Variants in SH3GL3 observed in about 807,000 individuals in gnomAD.
SH3GL3 encodes the protein endophilin-A3.
A neutral mutation model predicts 47.7 loss-of-function variants in SH3GL3; 33 were observed. The observed-to-expected ratio is 0.69, with a 90% CI of 0.52 to 0.92. The LOEUF (loss-of-function observed/expected upper bound fraction) is 0.92. Among genes scored for constraint, SH3GL3 ranks in the 40% least tolerant of loss-of-function variants. The probability of loss-of-function intolerance (pLI) is 0.00; values close to 1 mark genes in which losing one functional copy is unlikely to be tolerated. For missense variants in SH3GL3, 363 were observed against 417.8 expected, an observed-to-expected ratio of 0.87 and a Z score of 1.14; for synonymous variants, 155 against 148.8, an observed-to-expected ratio of 1.04 and a Z score of -0.30.
intron 1 of SH3GL3, among the ~76,000 whole-genome samples, chr15:83,507,013 C>CT (rs950250193): frequency 3.1e-4 from 45 of 147,202 alleles, no homozygotes; most frequent in African/African-American, 9.4e-4. Flanking sequence ...TTTGTGTACG[C>CT]TTTTTTTTTT....
intron 1 of SH3GL3, among the ~76,000 whole-genome samples, chr15:83,513,827 T>C (rs1224413744): frequency 6.6e-6 from 1 of 152,202 alleles, no homozygotes; most frequent in Non-Finnish European, 1.5e-5. Flanking sequence ...CGTAAATGGA[T>C]GATCATCATA....
chr15:83,504,273 A>G (rs1308343558), intron 1 of SH3GL3, among the ~76,000 whole-genome samples: 1 of 152,206 alleles, frequency 6.6e-6, no homozygotes, highest in African/African-American at 2.4e-5. Context: ...CCAGTTTCCC[A>G]GAAGTTCCCT....
rs139468182 is a variant in SH3GL3 at position 83,479,082 on chromosome 15, G to A, written c.45+31504G>A. ...CCCCTCCATGATATCACACATTTCC[G>A]TCGTACGGCATGTACTAAGGTCTGC... is the stretch of plus-strand genomic sequence containing the variant. On this transcript the variant is annotated intron_variant, in intron 1 of 8. Transcript: ENST00000427482. Among the ~76,000 whole-genome samples the A allele has an allele frequency of 4.2e-3, 645 of 152,194 alleles. 4 individuals carry two copies. The highest frequency in any genetic ancestry group is 6.8e-3 in the Middle Eastern group (2 of 294).
chr15:83,563,417 T>C (rs547236463), intron 2 of SH3GL3, among the ~76,000 whole-genome samples: 1 of 152,352 alleles, frequency 6.6e-6, no homozygotes, highest in South Asian at 2.1e-4. Context: ...ATAGCTGGTT[T>C]ATTAATATGC....
intron 5 of SH3GL3, among the ~76,000 whole-genome samples, chr15:83,575,251 T>C (rs2059644176): frequency 6.6e-6 from 1 of 152,188 alleles, no homozygotes; most frequent in African/African-American, 2.4e-5. Flanking sequence ...TTTTATTTCT[T>C]CTTGTGCTGT....
At chr15:83,589,937 A>C (rs1281294369) in intron 8 of SH3GL3, among the ~76,000 whole-genome samples, 2 of 152,152 alleles carry the variant, frequency 1.3e-5, no homozygotes, top group Admixed American at 1.3e-4. Context: ...CTGCTTCCCC[A>C]CACCCATGCC....
intron 1 of SH3GL3, among the ~76,000 whole-genome samples, chr15:83,523,743 C>G (rs967196937): frequency 1.3e-5 from 2 of 152,098 alleles, no homozygotes; most frequent in Non-Finnish European, 2.9e-5. Context: ...CCCCCTGCCT[C>G]CCTCCTTCTC....
chr15:83,628,854 C>CA, the SH3GL3 span, among the ~76,000 whole-genome samples: 1 of 151,580 alleles, frequency 6.6e-6, no homozygotes, highest in Non-Finnish European at 1.5e-5. Flanking sequence ...AAAAAACAAC[C>CA]AAAAAACTAA....
At chr15:83,450,962 GA>G (rs1567230629) in intron 1 of SH3GL3, among the ~76,000 whole-genome samples, 1 of 94,706 alleles carries the variant, frequency 1.1e-5, no homozygotes, top group East Asian at 3.3e-4. Context: ...CCCCTCCCCC[GA>G]CCCCACCACA....
At chr15:83,456,367 C>T (rs1303008614) in intron 1 of SH3GL3, among the ~76,000 whole-genome samples, 1 of 27,448 alleles carries the variant, frequency 3.6e-5, no homozygotes, top group East Asian at 2.3e-3. Flanking sequence ...GCTTTGTTTA[C>T]CTAATCAAGC....
chr15:83,549,311 A>G (rs1414069976), intron 1 of SH3GL3, among the ~76,000 whole-genome samples: 2 of 152,174 alleles, frequency 1.3e-5, no homozygotes, highest in East Asian at 1.9e-4. Flanking sequence ...TGAATGGCAC[A>G]TATTGTGTGT....
intron 1 of SH3GL3, among the ~76,000 whole-genome samples, chr15:83,464,338 A>G (rs1008339960): frequency 5.3e-5 from 8 of 152,012 alleles, no homozygotes; most frequent in African/African-American, 1.7e-4. Context: ...ATCCTGGAAT[A>G]CCCCAGGCCC....
intron 8 of SH3GL3, among the ~76,000 whole-genome samples, chr15:83,607,209 G>T (rs1217623385): frequency 6.6e-6 from 1 of 152,166 alleles, no homozygotes; most frequent in African/African-American, 2.4e-5. Flanking sequence ...ACTCTATAAT[G>T]ATACATTTGA....
chr15:83,601,522 A>G (rs1233681107), intron 8 of SH3GL3, among the ~76,000 whole-genome samples: 1 of 152,212 alleles, frequency 6.6e-6, no homozygotes, highest in Non-Finnish European at 1.5e-5. Flanking sequence ...ATGTTAAACC[A>G]TCCCTGCATC....
intron 6 of SH3GL3, among the ~76,000 whole-genome samples, chr15:83,582,819 C>A (rs1356482466): frequency 6.6e-6 from 1 of 152,184 alleles, no homozygotes; most frequent in Non-Finnish European, 1.5e-5. Flanking sequence ...AAATTAACAA[C>A]TGCATTTGAG....
intron 1 of SH3GL3, among the ~76,000 whole-genome samples, chr15:83,491,636 G>C (rs1221296435): frequency 6.6e-6 from 1 of 152,190 alleles, no homozygotes; most frequent in Non-Finnish European, 1.5e-5. Flanking sequence ...GTGTTTGAAA[G>C]GTGCTGTAAG....
chr15:83,525,346 T>TTGTGTGTG (rs776105824), intron 1 of SH3GL3, among the ~76,000 whole-genome samples: 229 of 74,016 alleles, frequency 3.1e-3, no homozygotes, highest in Admixed American at 0.014. Flanking sequence ...ATGAGATTCT[T>TTGTGTGTG]TGTGCGTGTG....
At chr15:83,586,337 G>A (rs951355231) in intron 6 of SH3GL3, among the ~76,000 whole-genome samples, 10 of 152,088 alleles carry the variant, frequency 6.6e-5, no homozygotes, top group African/African-American at 2.4e-4. Context: ...TTGTAAGTTA[G>A]TCATTAATTT....
chr15:83,545,281 A>T lies in SH3GL3; in HGVS notation c.46-13972A>T, dbSNP rs554614888. The stretch of plus-strand genomic sequence containing the variant: ...GCTTGCTAATTCATTCCTCTGCTTG[A>T]TCAGTTCTTCTGTTTAGAGACTGAT... On this transcript the variant is annotated intron_variant, in intron 1 of 8. Transcript: ENST00000427482. Among the ~76,000 whole-genome samples the T allele has an allele frequency of 2.4e-4, 36 of 152,026 alleles. No individual in the cohort carries two copies. The South Asian group carries it at 7.3e-3, about 31-fold the overall frequency.
Sources: allele counts gnomAD v4.1 joint callset (sites outside exome capture counted in the v4.1 genomes callset), GRCh38; gene constraint gnomAD v4.1.1; transcripts MANE v1.5; gene names NCBI Gene and HGNC (gene_info 2026-07-23, HGNC 2026-07-21).